TCF12: variants seen among roughly 807,000 people sequenced by gnomAD.
TCF12 encodes DNA-binding protein HTF4.
TCF12 carries 45 observed loss-of-function variants against 86.0 expected under a neutral mutation model. The ratio of observed to expected loss-of-function variants is 0.52; its 90% confidence interval spans 0.41 to 0.67. The LOEUF is 0.67. Ranked by LOEUF, TCF12 falls within the 30% of genes least tolerant of loss-of-function variation. TCF12 has a pLI of 0.00. For synonymous variants in TCF12, 330 were observed against 299.6 expected (o/e 1.10, Z -1.05); for missense variants, 881 against 859.9 (o/e 1.02, Z -0.31).
intron 5 of TCF12, among the ~76,000 whole-genome samples, chr15:57,109,776 A>G (rs2050368433): frequency 6.6e-6 from 1 of 152,226 alleles, no homozygotes; most frequent in Non-Finnish European, 1.5e-5. Context: ...TTAAAATGTC[A>G]TTAGATATTC....
chr15:57,044,639 C>G (rs2067113795), intron 3 of TCF12, among the ~76,000 whole-genome samples: 1 of 151,318 alleles, frequency 6.6e-6, no homozygotes, highest in Non-Finnish European at 1.5e-5. Context: ...TTTTTCTGGT[C>G]AAAATTTTAT....
At chr15:57,102,998 C>T (rs1164772535) in intron 5 of TCF12, among the ~76,000 whole-genome samples, 1 of 152,146 alleles carries the variant, frequency 6.6e-6, no homozygotes, top group East Asian at 1.9e-4. Flanking sequence ...AGAGGTGTGG[C>T]AGTTGGGCAG....
intron 1 of TCF12, 169 bp from the exon 2 acceptor site, chr15:56,919,723 C>T: frequency 2.0e-6 from 1 of 510,384 alleles, no homozygotes; most frequent in South Asian, 2.6e-5. Flanking sequence ...GGCGCGGGCA[C>T]TGAGCCCTCC....
At chr15:56,956,928 C>T (rs1489719970) in intron 3 of TCF12, among the ~76,000 whole-genome samples, 2 of 152,004 alleles carry the variant, frequency 1.3e-5, no homozygotes, top group Non-Finnish European at 2.9e-5. Context: ...ATGTTCCATT[C>T]AAAATTCATG....
rs538439618 is a variant in TCF12, at chr15:57,161,317, A to G, written c.326-5085A>G. ...ATTTGTTAGGGTAACTAATGCCTCTAAGAGTTTATGAGTCTGGAGAAAATA... is the reference window on the plus strand; with the variant it reads ...ATTTGTTAGGGTAACTAATGCCTCTGAGAGTTTATGAGTCTGGAGAAAATA... On this transcript the variant is annotated intron_variant, in intron 5 of 20. Transcript: ENST00000333725. Among the ~76,000 whole-genome samples the G allele has an allele frequency of 7.2e-5, 11 of 152,366 alleles. No individual in the cohort carries two copies. The South Asian group carries it at 1.9e-3, about 26-fold the overall frequency.
intron 3 of TCF12, among the ~76,000 whole-genome samples, chr15:57,052,034 A>G (rs1283988503): frequency 1.3e-5 from 2 of 152,154 alleles, no homozygotes; most frequent in Non-Finnish European, 2.9e-5. Context: ...TACTGTTTTA[A>G]TTACTAGAGC....
rs746323349 is a variant in TCF12 at position 57,263,234 on chromosome 15, T to C, written c.1705T>C (p.Ser569Pro). 14 of 1,611,682 alleles carry C rather than the reference T, an allele frequency of 8.7e-6. No individual in the cohort carries two copies. In the Admixed American group the frequency reaches 1.0e-4, roughly 12 times the overall value. The part of the protein sequence containing the change: ...SDDMKSDDES[S>P]QKDIKVSSRG... ...TGACATGAAGTCAGATGATGAATCC[T>C]CCCAAAAAGATATCAAGGTTTCATC... Residue 569 changes from serine (S) to proline (P), a missense_variant, in exon 18 of 21, where the codon TCC (serine) becomes CCC (proline). Physicochemically the swap from Ser to Pro is moderately conservative, Grantham distance 74. This residue lies in a region of TCF12 where 766 missense variants were observed against 718.9 expected (regional missense o/e 1.07). Transcript: ENST00000333725.
intron 5 of TCF12, among the ~76,000 whole-genome samples, chr15:57,115,993 T>C (rs946474780): frequency 2.6e-5 from 4 of 152,238 alleles, no homozygotes; most frequent in African/African-American, 9.6e-5. Flanking sequence ...AGCATTTACA[T>C]AGTTCCTTAC....
At chr15:57,172,954 AAAAAG>A (rs1167644624) in intron 6 of TCF12, among the ~76,000 whole-genome samples, 1 of 151,600 alleles carries the variant, frequency 6.6e-6, no homozygotes, top group Non-Finnish European at 1.5e-5. Flanking sequence ...TAAAAAAAAA[AAAAAG>A]AAAACTAGTC....
chr15:57,158,188 C>CTTTTTTT (rs1187472686), intron 5 of TCF12, among the ~76,000 whole-genome samples: 1 of 139,222 alleles, frequency 7.2e-6, no homozygotes, highest in African/African-American at 2.7e-5. Context: ...AAAGTCGTTT[C>CTTTTTTT]TTTTTTTTTT....
intron 18 of TCF12, among the ~76,000 whole-genome samples, chr15:57,271,283 G>A (rs1311751718): frequency 6.6e-6 from 1 of 152,202 alleles, no homozygotes; most frequent in East Asian, 1.9e-4. Context: ...ACCTACTCAA[G>A]CCTCAGTAAT....
intron 14 of TCF12, among the ~76,000 whole-genome samples, chr15:57,251,728 T>A (rs2070103760): frequency 6.6e-6 from 1 of 151,436 alleles, no homozygotes; most frequent in Non-Finnish European, 1.5e-5. Context: ...AAAGGGAAAC[T>A]TTTTTTAAAA....
intron 8 of TCF12, among the ~76,000 whole-genome samples, chr15:57,224,862 G>A (rs1250648682): frequency 1.3e-5 from 2 of 152,030 alleles, no homozygotes; most frequent in Non-Finnish European, 2.9e-5. Context: ...TATAATACCT[G>A]TGGTTTCAGT....
chr15:57,207,097 A>T (rs1241360434), intron 8 of TCF12, among the ~76,000 whole-genome samples: 2 of 151,914 alleles, frequency 1.3e-5, no homozygotes, highest in African/African-American at 2.4e-5. Context: ...ACAGAACAAG[A>T]CCCTGTCCCC....
chr15:57,052,636 CA>C (rs10573760), intron 3 of TCF12, among the ~76,000 whole-genome samples: 5,560 of 122,232 alleles, frequency 0.045, 173 homozygotes, highest in African/African-American at 0.11. Context: ...GACTCCATCT[CA>C]AAAAAAAAAA....
chr15:57,170,681 T>TTA (rs2055308809), intron 6 of TCF12, among the ~76,000 whole-genome samples: 1 of 1,760 alleles, frequency 5.7e-4, no homozygotes, highest in African/African-American at 1.3e-3. Context: ...ATATAATATA[T>TTA]TATATATAAT....
chr15:56,998,751 G>C (rs887974748), intron 3 of TCF12, among the ~76,000 whole-genome samples: 1 of 151,934 alleles, frequency 6.6e-6, no homozygotes, highest in East Asian at 1.9e-4. Context: ...CTTTCCAAGG[G>C]AACAATGCTC....
intron 3 of TCF12, among the ~76,000 whole-genome samples, chr15:56,985,535 C>CT (rs1345658938): frequency 6.6e-6 from 1 of 152,134 alleles, no homozygotes; most frequent in East Asian, 1.9e-4. Context: ...TTATCAAACT[C>CT]TACTTTTTCA....
chr15:57,246,305 A>G (rs1274548133), intron 13 of TCF12, among the ~76,000 whole-genome samples: 5 of 152,192 alleles, frequency 3.3e-5, no homozygotes, highest in Non-Finnish European at 7.3e-5. Context: ...TTTCAGGTCA[A>G]GAGCATACAT....
Sources: allele counts gnomAD v4.1 joint callset (sites outside exome capture counted in the v4.1 genomes callset), GRCh38; gene constraint gnomAD v4.1.1; regional missense constraint gnomAD v4.1.1; transcripts MANE v1.5; gene names NCBI Gene and HGNC (gene_info 2026-07-23, HGNC 2026-07-21).